The following NEBL variants were observed in gnomAD, a reference collection of about 807,000 sequenced individuals.
NEBL encodes the protein nebulette, also known as LIM and SH3 protein 2.
NEBL carries 122 observed loss-of-function variants against 140.2 expected under a neutral mutation model. The observed-to-expected ratio is 0.87, with a 90% confidence interval of 0.75 to 1.01. The LOEUF (loss-of-function observed/expected upper bound fraction) is 1.01, where lower values mean the gene tolerates loss of function less well. Ranked by LOEUF, NEBL falls within the 50% of genes least tolerant of loss-of-function variation. The probability of loss-of-function intolerance (pLI) is 0.00; values close to 1 mark genes in which losing one functional copy is unlikely to be tolerated. For missense variants in NEBL, 1,365 were observed against 1,231.3 expected (o/e 1.11, Z -1.62); for synonymous variants, 436 against 398.9 (o/e 1.09, Z -1.11).
chr10:21,226,372 G>A (rs1286380761), intron 3 of NEBL, among the ~76,000 whole-genome samples: 2 of 152,008 alleles, frequency 1.3e-5, no homozygotes, highest in Non-Finnish European at 2.9e-5. Flanking sequence ...CACTCCCTTG[G>A]TCACCCCAGC....
chr10:21,008,661 G>A (rs916268606), intron 3 of NEBL, among the ~76,000 whole-genome samples: 17 of 152,242 alleles, frequency 1.1e-4, no homozygotes, highest in Admixed American at 2.6e-4. Context: ...AGATGTTGGC[G>A]TGGATGCAGT....
chr10:21,208,668 C>T (rs1439722719), intron 3 of NEBL, among the ~76,000 whole-genome samples: 3 of 152,156 alleles, frequency 2.0e-5, no homozygotes, highest in African/African-American at 7.2e-5. Context: ...TCCAATGTCT[C>T]CACTATTCCC....
At chr10:21,082,750 A>G (rs1227387558) in intron 2 of NEBL, among the ~76,000 whole-genome samples, 2 of 139,938 alleles carry the variant, frequency 1.4e-5, no homozygotes, top group African/African-American at 5.2e-5. Flanking sequence ...TGGGATATGC[A>G]GGAGGGATGC....
chr10:20,885,648 A>G (rs1189901129), intron 4 of NEBL, among the ~76,000 whole-genome samples: 1 of 152,230 alleles, frequency 6.6e-6, no homozygotes, highest in African/African-American at 2.4e-5. Flanking sequence ...TGTGCTTTCA[A>G]AGAAATGAGG....
chr10:20,833,918 A>G (rs1005136900), intron 14 of NEBL, among the ~76,000 whole-genome samples: 1 of 152,202 alleles, frequency 6.6e-6, no homozygotes, highest in African/African-American at 2.4e-5. Context: ...TGGCATCAAT[A>G]AAGTATGCTG....
intron 3 of NEBL, among the ~76,000 whole-genome samples, chr10:20,994,333 C>T (rs1837581197): frequency 6.6e-6 from 1 of 152,154 alleles, no homozygotes; most frequent in Non-Finnish European, 1.5e-5. Context: ...AGGCAAAGTA[C>T]AGGGAAGCCA....
chr10:20,876,214 CAG>C (rs1235218475), intron 5 of NEBL, among the ~76,000 whole-genome samples: 1 of 152,054 alleles, frequency 6.6e-6, no homozygotes, highest in Non-Finnish European at 1.5e-5. Context: ...GAGTAAAATA[CAG>C]AGTTATGGCC....
chr10:21,173,633 T>TC lies in NEBL; in HGVS notation c.69+131dup. The TC allele has an allele frequency of 6.8e-7, 1 of 1,460,266 alleles. No homozygotes were observed. Among genetic ancestry groups the TC allele is most frequent in the African/African-American group, 1.4e-5 (1 of 71,712 alleles). 90.5% of individuals were successfully genotyped at this position (1,460,266 alleles called of 1,614,324 possible). Reference sequence around the variant, plus strand: ...CGCTGGCGTCTTCGTTCGCGCGCCCTCCCCCCGTGCCAAGGCACACGCACA... The same window carrying TC: ...CGCTGGCGTCTTCGTTCGCGCGCCCTCCCCCCCGTGCCAAGGCACACGCACA... On this transcript the variant is annotated intron_variant, in intron 1 of 6. Coordinates refer to the NEBL transcript ENST00000417816. The surrounding 1 kb of genome is among the most constrained non-coding windows in gnomAD (Gnocchi z 5.7).
At chr10:20,993,702 A>G (rs1375065746) in intron 3 of NEBL, among the ~76,000 whole-genome samples, 2 of 152,222 alleles carry the variant, frequency 1.3e-5, no homozygotes, top group African/African-American at 2.4e-5. Context: ...GACCATGACC[A>G]ACACCAATGG....
chr10:21,180,217 T>C (rs1267051723), intron 3 of NEBL, among the ~76,000 whole-genome samples: 4 of 152,058 alleles, frequency 2.6e-5, no homozygotes, highest in East Asian at 3.9e-4. Context: ...CCCTCAGAAC[T>C]GTGAGATACT....
intron 10 of NEBL, among the ~76,000 whole-genome samples, chr10:20,852,052 A>AT (rs984841764): frequency 1.3e-4 from 20 of 151,998 alleles, no homozygotes; most frequent in Non-Finnish European, 2.1e-4. Context: ...TAGAGAGAAG[A>AT]TATTTTTTAA....
At chr10:21,079,262 A>C (rs534135046) in intron 2 of NEBL, among the ~76,000 whole-genome samples, 6 of 152,298 alleles carry the variant, frequency 3.9e-5, no homozygotes, top group African/African-American at 1.4e-4. Flanking sequence ...AAGAAAGAAA[A>C]TGAGGAGGTG....
chr10:20,979,281 A>C (rs1313801439), intron 3 of NEBL, among the ~76,000 whole-genome samples: 2 of 152,064 alleles, frequency 1.3e-5, no homozygotes, highest in South Asian at 4.1e-4. Flanking sequence ...ATACACATAT[A>C]AGATTGTATT....
chr10:20,881,593 CACTGAT>C (rs1043031597), intron 4 of NEBL, among the ~76,000 whole-genome samples: 1 of 152,192 alleles, frequency 6.6e-6, no homozygotes, highest in Non-Finnish European at 1.5e-5. Context: ...CCTTGGTCTC[CACTGAT>C]ACTATTAACC....
At chr10:21,021,129 C>T (rs1469951857) in intron 2 of NEBL, among the ~76,000 whole-genome samples, 1 of 152,176 alleles carries the variant, frequency 6.6e-6, no homozygotes, top group Non-Finnish European at 1.5e-5. Flanking sequence ...AGATTCCTCA[C>T]ACATCCAATC....
chr10:21,103,834 T>A (rs749581514), intron 2 of NEBL, among the ~76,000 whole-genome samples: 18 of 152,206 alleles, frequency 1.2e-4, no homozygotes, highest in Non-Finnish European at 1.9e-4. Flanking sequence ...ATAGTTATAC[T>A]TTTTGAGACA....
intron 1 of NEBL, among the ~76,000 whole-genome samples, chr10:21,283,227 C>T (rs1351354894): frequency 2.6e-5 from 4 of 152,166 alleles, no homozygotes; most frequent in East Asian, 1.9e-4. Flanking sequence ...GTTGTCCTCA[C>T]TGCTACATTC....
At chr10:20,850,801 G>T (rs1014482662) in intron 10 of NEBL, among the ~76,000 whole-genome samples, 1 of 152,192 alleles carries the variant, frequency 6.6e-6, no homozygotes, top group Admixed American at 6.5e-5. Context: ...TATATATGGG[G>T]TTATACATGT....
intron 2 of NEBL, chr10:21,126,192 A>G (rs367809780): frequency 1.4e-6 from 2 of 1,459,398 alleles, no homozygotes; most frequent in East Asian, 2.3e-5. Context: ...AAAAAATACC[A>G]CATTTGGAAT....
Sources: allele counts gnomAD v4.1 joint callset (sites outside exome capture counted in the v4.1 genomes callset), GRCh38; gene constraint gnomAD v4.1.1; non-coding constraint Gnocchi (gnomAD v3.1); transcripts MANE v1.5; gene names NCBI Gene and HGNC (gene_info 2026-07-23, HGNC 2026-07-21).